Variants in C3orf33 observed in about 807,000 individuals in gnomAD.
C3orf33 encodes the protein AP-1 activity suppressor.
A neutral mutation model predicts 28.7 loss-of-function variants in C3orf33; 23 were observed. The observed-to-expected ratio is 0.80, with a 90% confidence interval of 0.58 to 1.13. C3orf33 has a LOEUF of 1.13. Ranked by LOEUF, C3orf33 falls within the 50% of genes most tolerant of loss-of-function variation. C3orf33 has a pLI of 0.00. For synonymous variants in C3orf33, 119 were observed against 120.5 expected, an observed-to-expected ratio of 0.99 and a Z score of 0.08; for missense variants, 327 against 353.4, an observed-to-expected ratio of 0.93 and a Z score of 0.60.
Position 155,775,687 on chromosome 3 carries a change from T to C in C3orf33, c.322+14A>G. 6.7e-7 allele frequency: 1 copy of C among 1,486,092 alleles called. No homozygotes were observed. The highest frequency in any genetic ancestry group is 9.2e-7 in the Non-Finnish European group (1 of 1,089,222). The allele number at this position is 1,486,092 out of a possible 1,614,324, so 92.1% of individuals were successfully genotyped here. ...CCACAATAGTTAGTTTCATTAATCTTGTACCTTACTTACTTCTCAATGAAG... is the reference window on the plus strand; with the variant it reads ...CCACAATAGTTAGTTTCATTAATCTCGTACCTTACTTACTTCTCAATGAAG... On this transcript the variant is annotated intron_variant, in intron 3 of 4. Coordinates refer to ENST00000340171, the MANE Select transcript of C3orf33 (RefSeq NM_001308229.2).
At chr3:155,794,304 A>G (rs760914858) in intron 2 of C3orf33, among the ~76,000 whole-genome samples, 15 of 152,248 alleles carry the variant, frequency 9.9e-5, no homozygotes, top group Admixed American at 2.6e-4. Flanking sequence ...TATGCAATCA[A>G]TGTTGTCATC....
intron 2 of C3orf33, among the ~76,000 whole-genome samples, chr3:155,795,260 A>G (rs772490940): frequency 1.3e-5 from 2 of 152,160 alleles, no homozygotes; most frequent in Non-Finnish European, 2.9e-5. Flanking sequence ...ATTCAAGACC[A>G]GGTTGGCCAA....
intron 2 of C3orf33, among the ~76,000 whole-genome samples, chr3:155,779,937 C>G (rs1202802970): frequency 6.6e-6 from 1 of 152,168 alleles, no homozygotes; most frequent in Non-Finnish European, 1.5e-5. Flanking sequence ...GAGAAAGATT[C>G]CATTGCATCC....
chr3:155,797,863 G>T (rs549896173), intron 2 of C3orf33, among the ~76,000 whole-genome samples: 4 of 152,228 alleles, frequency 2.6e-5, no homozygotes, highest in African/African-American at 9.6e-5. Flanking sequence ...TTGAGACCAG[G>T]AGTTCAAGAC....
intron 2 of C3orf33, among the ~76,000 whole-genome samples, chr3:155,788,245 A>C (rs1350996641): frequency 7.2e-6 from 1 of 138,562 alleles, no homozygotes; most frequent in Non-Finnish European, 1.6e-5. Context: ...AATACACTGC[A>C]TTAATAGAAT....
chr3:155,794,145 C>G (rs1252841983), intron 2 of C3orf33, among the ~76,000 whole-genome samples: 1 of 151,842 alleles, frequency 6.6e-6, no homozygotes, highest in Non-Finnish European at 1.5e-5. Context: ...TCACACCTAG[C>G]TAATTTTGTA....
chr3:155,803,141 T>C (rs186531867), intron 1 of C3orf33, among the ~76,000 whole-genome samples: 1 of 152,206 alleles, frequency 6.6e-6, no homozygotes, highest in African/African-American at 2.4e-5. Context: ...TATTAAGCGA[T>C]GTTTTTAAAG....
intron 2 of C3orf33, among the ~76,000 whole-genome samples, chr3:155,785,237 G>C (rs1304847262): frequency 6.6e-6 from 1 of 151,928 alleles, no homozygotes; most frequent in Admixed American, 6.6e-5. Context: ...AGAGTTGAAG[G>C]GAGAAATAGA....
At chr3:155,806,044 C>G (rs750541775) in intron 1 of C3orf33, 95 bp downstream of exon 1, 4 of 849,728 alleles carry the variant, frequency 4.7e-6, no homozygotes, top group Non-Finnish European at 6.6e-6. Context: ...CTCCCCGGCC[C>G]CGGCGGGATC....
chr3:155,793,210 C>A (rs1241000539), intron 2 of C3orf33, among the ~76,000 whole-genome samples: 32 of 138,022 alleles, frequency 2.3e-4, no homozygotes, highest in African/African-American at 1.9e-4. Flanking sequence ...ATATATGTGG[C>A]AAAAAAAAAA....
In C3orf33 at chr3:155,792,934, C is replaced by T. The variant is rs185357064; in HGVS notation, c.174+9598G>A. ...TAGTCAAAGGGATAATAACAGAGAA[C>T]GTACAAAATCTAGAGAAAGATACTG... is the stretch of plus-strand genomic sequence containing the variant. On this transcript the variant is annotated intron_variant, in intron 2 of 4. Transcript: ENST00000340171. 1.2e-3 allele frequency among the ~76,000 whole-genome samples: 182 copies of T among 152,020 alleles called. 2 individuals carry two copies. The highest frequency in any genetic ancestry group is 3.6e-3 in the African/African-American group (151 of 41,474).
intron 2 of C3orf33, among the ~76,000 whole-genome samples, chr3:155,781,218 G>A (rs1750914009): frequency 6.7e-6 from 1 of 150,172 alleles, no homozygotes; most frequent in Admixed American, 6.6e-5. Flanking sequence ...TTGTTAGCCA[G>A]GATGGTCTCG....
chr3:155,778,886 G>C (rs541483242), intron 2 of C3orf33, among the ~76,000 whole-genome samples: 1 of 152,176 alleles, frequency 6.6e-6, no homozygotes, highest in Non-Finnish European at 1.5e-5. Flanking sequence ...ATGATAGCAT[G>C]AGGAACAAAC....
At chr3:155,792,821 C>T (rs1486453614) in intron 2 of C3orf33, among the ~76,000 whole-genome samples, 1 of 152,030 alleles carries the variant, frequency 6.6e-6, no homozygotes, top group African/African-American at 2.4e-5. Flanking sequence ...ATCAAACACT[C>T]TTACAGGATC....
chr3:155,777,066 C>T (rs1750771840), intron 2 of C3orf33, among the ~76,000 whole-genome samples: 2 of 151,898 alleles, frequency 1.3e-5, no homozygotes, highest in South Asian at 4.2e-4. Context: ...GCCTGTAATC[C>T]TAGCACTTTT....
intron 3 of C3orf33, among the ~76,000 whole-genome samples, chr3:155,768,707 C>G (rs1750487242): frequency 6.6e-6 from 1 of 152,052 alleles, no homozygotes; most frequent in African/African-American, 2.4e-5. Context: ...AGAAATAATA[C>G]TTTAGTTCAA....
chr3:155,768,236 CCTT>C (rs1307173755), intron 3 of C3orf33, among the ~76,000 whole-genome samples: 11 of 152,158 alleles, frequency 7.2e-5, no homozygotes, highest in African/African-American at 2.4e-4. Flanking sequence ...ACCAATTTAA[CCTT>C]CTTTTTTCAA....
intron 2 of C3orf33, among the ~76,000 whole-genome samples, chr3:155,801,920 G>A (rs1310811403): frequency 6.6e-6 from 1 of 151,704 alleles, no homozygotes; most frequent in East Asian, 1.9e-4. Context: ...CTGGCTAATT[G>A]TTTGTATTTT....
intron 4 of C3orf33, among the ~76,000 whole-genome samples, chr3:155,764,895 A>C (rs1750351766): frequency 6.6e-6 from 1 of 152,144 alleles, no homozygotes; most frequent in Non-Finnish European, 1.5e-5. Context: ...TCCTGCCTAG[A>C]TATTTCTACA....
Sources: allele counts gnomAD v4.1 joint callset (sites outside exome capture counted in the v4.1 genomes callset), GRCh38; gene constraint gnomAD v4.1.1; transcripts MANE v1.5; gene names NCBI Gene and HGNC (gene_info 2026-07-23, HGNC 2026-07-21).